MMP25: variants seen among roughly 807,000 people sequenced by gnomAD.
MMP25 encodes the protein matrix metallopeptidase 25.
In MMP25, 68 loss-of-function variants were observed where a neutral mutation model predicts 62.1. The observed-to-expected ratio is 1.10, with a 90% CI of 0.90 to 1.34. The LOEUF (loss-of-function observed/expected upper bound fraction) is 1.34. Ranked by LOEUF, MMP25 falls within the 40% of genes most tolerant of loss-of-function variation. The pLI is 0.00. For missense variants in MMP25, 942 were observed against 792.5 expected, an observed-to-expected ratio of 1.19 and a Z score of -2.26; for synonymous variants, 407 against 345.6, an observed-to-expected ratio of 1.18 and a Z score of -1.97.
At chr16:3,048,274 C>T (rs1955850529) in intron 2 of MMP25, among the ~76,000 whole-genome samples, 1 of 152,246 alleles carries the variant, frequency 6.6e-6, no homozygotes, top group African/African-American at 2.4e-5. Flanking sequence ...CACCGTTGCA[C>T]TCCAACCTGG....
At chr16:3,047,363 G>A (rs966256892) in intron 1 of MMP25, 52 bp from the exon 2 acceptor site, 12 of 1,574,204 alleles carry the variant, frequency 7.6e-6, no homozygotes, top group Non-Finnish European at 6.9e-6. Context: ...TGGGCAGAGA[G>A]AGCCCATACT....
chr16:3,049,076 G>A (rs192296820), intron 2 of MMP25, among the ~76,000 whole-genome samples: 1 of 152,028 alleles, frequency 6.6e-6, no homozygotes, highest in East Asian at 1.9e-4. Context: ...CCACAGTGCT[G>A]GGATTACAGG....
At position 3,058,959 on chromosome 16, in the gene MMP25, C is replaced by T. The variant is rs556037619; in HGVS notation, c.1550C>T (p.Ala517Val). ...DCPAPSSGPR[A>V]PRPPKATPVS... ...CCCGCCCCGAGCTCTGGTCCCCGCG[C>T]CCCCAGGCCCCCCAAAGCGACCCCC... The change falls in exon 10 of 10, where the codon GCC becomes GTC. Residue 517 changes from alanine (A) to valine (V), a missense_variant. Ala to Val is a moderately conservative substitution (Grantham distance 64, BLOSUM62 0). Transcript: ENST00000336577. 5 of 1,550,402 alleles carry T rather than the reference C, an allele frequency of 3.2e-6. No homozygotes were observed. The highest frequency in any genetic ancestry group is 3.5e-6 in the Non-Finnish European group (4 of 1,146,952).
chr16:3,049,682 C>G (rs1955871069), intron 2 of MMP25, among the ~76,000 whole-genome samples: 1 of 152,192 alleles, frequency 6.6e-6, no homozygotes, highest in Non-Finnish European at 1.5e-5. Flanking sequence ...ACTGCATACC[C>G]AGGGCTCCTT....
At chr16:3,050,201 TG>T (rs1955880255) in intron 3 of MMP25, 52 bp from the exon 4 acceptor site, 12 of 1,576,902 alleles carry the variant, frequency 7.6e-6, no homozygotes, top group Middle Eastern at 1.7e-4. Flanking sequence ...CGGCTTTGAA[TG>T]GCTGCCTGCT....
intron 4 of MMP25, 80 bp downstream of exon 4, chr16:3,050,626 G>C: frequency 7.2e-7 from 1 of 1,394,048 alleles, no homozygotes; most frequent in South Asian, 1.5e-5. Flanking sequence ...GTTTTGTTTT[G>C]TTTAAGAAAC....
At position 3,057,561 on chromosome 16, in the gene MMP25, G is replaced by C; in HGVS notation, c.954G>C (p.Glu318Asp). The C allele has an allele frequency of 6.2e-7, 1 of 1,614,134 alleles. No homozygotes were observed. Residue 318 changes from glutamate (E) to aspartate (D), a missense_variant, in exon 7 of 10, where the codon GAG becomes GAC. Coordinates refer to ENST00000336577, the MANE Select transcript of MMP25 (RefSeq NM_022468.5). Reference sequence around the variant, plus strand: ...CCTTCCCCATCCCTGATCGATGTGAGGGCAATTTTGACGCCATCGCCAACA... The same window carrying C: ...CCTTCCCCATCCCTGATCGATGTGACGGCAATTTTGACGCCATCGCCAACA... ...SPSFPIPDRC[E>D]GNFDAIANIR...
At position 3,050,388 on chromosome 16, in the gene MMP25, C is replaced by G; in HGVS notation, c.503C>G (p.Pro168Arg). ...GTGGATTCCCCCCAGGGCCAGGAGC[C>G]CGACATCCTCATCGACTTTGCCCGC... Reference protein sequence around the residue: ...HEVDSPQGQEPDILIDFARAF... With the variant: ...HEVDSPQGQERDILIDFARAF... The change falls in exon 4 of 10, where the codon CCC (proline) becomes CGC (arginine). Residue 168 changes from proline to arginine, a missense_variant. Physicochemically the swap from Pro to Arg is moderately radical, Grantham distance 103. Coordinates refer to ENST00000336577, the MANE Select transcript of MMP25 (RefSeq NM_022468.5). 6.2e-7 allele frequency: 1 copy of G among 1,614,062 alleles called. No individual in the cohort carries two copies. The highest frequency in any genetic ancestry group is 8.5e-7 in the Non-Finnish European group (1 of 1,180,030).
chr16:3,052,179 C>G (rs943348156), intron 4 of MMP25: 2 of 151,892 alleles, frequency 1.3e-5, no homozygotes, highest in African/African-American at 4.8e-5. Context: ...TGAGTGACTA[C>G]TAGCACAAGA....
Position 3,047,431 on chromosome 16 carries a change from A to G in MMP25, c.116A>G (p.Tyr39Cys), listed in dbSNP as rs941609555. 21 of 1,613,324 alleles carry G rather than the reference A, an allele frequency of 1.3e-5. No individual in the cohort carries two copies. The highest frequency in any genetic ancestry group is 1.7e-5 in the Non-Finnish European group (20 of 1,179,760). The change falls in exon 2 of 10, where the codon TAT becomes TGT. Residue 39 changes from tyrosine (Y) to cysteine (C), a missense_variant. By Grantham distance (194) the Tyr-to-Cys change is radical. Transcript: ENST00000336577. ...VSLGVDWLTR[Y>C]GYLPPPHPAQ... is the part of the protein sequence containing the mutation. Reference sequence around the variant, plus strand: ...ATGCCCTAGGACTGGCTGACTCGCTATGGTTACCTGCCGCCACCCCACCCT... The same window carrying G: ...ATGCCCTAGGACTGGCTGACTCGCTGTGGTTACCTGCCGCCACCCCACCCT...
intron 4 of MMP25, chr16:3,051,961 C>T (rs2741895): frequency 0.45 from 68,432 of 151,704 alleles, 15,809 homozygotes; most frequent in Non-Finnish European, 0.49. Flanking sequence ...CCCGTCTCTA[C>T]TAAAAATACA....
chr16:3,053,380 G>C (rs1376806099), intron 4 of MMP25: 4 of 150,350 alleles, frequency 2.7e-5, no homozygotes, highest in African/African-American at 9.8e-5. Context: ...ATTCAAGTAA[G>C]TCAGGGTTCT....
At chr16:3,054,638 A>C (rs1232357450) in intron 4 of MMP25, 1 of 149,538 alleles carries the variant, frequency 6.7e-6, no homozygotes, top group East Asian at 2.1e-4. Context: ...GGACAGATGC[A>C]TGCACAGAGG....
intron 3 of MMP25, 31 bp from the exon 4 acceptor site, chr16:3,050,223 C>T: frequency 6.3e-7 from 1 of 1,576,232 alleles, no homozygotes; most frequent in Non-Finnish European, 8.6e-7. Flanking sequence ...CCCTCCACGG[C>T]CACCCTTACA....
At chr16:3,053,454 G>C (rs1398880949) in intron 4 of MMP25, 2 of 152,284 alleles carry the variant, frequency 1.3e-5, no homozygotes, top group African/African-American at 4.8e-5. Context: ...AGAAATGCGA[G>C]GAGAACGGCG....
At position 3,058,667 on chromosome 16, in the gene MMP25, C is replaced by G. The variant is rs756872857; in HGVS notation, c.1415C>G (p.Ala472Gly). Residue 472 changes from alanine (A) to glycine (G), a missense_variant and splice_region_variant, in exon 9 of 10, where the codon GCA becomes GGA. Ala to Gly is a moderately conservative substitution (Grantham distance 60). Coordinates refer to ENST00000336577, the MANE Select transcript of MMP25 (RefSeq NM_022468.5). ...CCTGACGATGTCACCGTCAGCAACG[C>G]AGGTGGGGAGCGCGGTGACCTGCGG... ...PSPDDVTVSN[A>G]GDTYFFKGAH... The G allele has an allele frequency of 4.4e-6, 7 of 1,596,230 alleles. No homozygotes were observed. In the Admixed American group the frequency reaches 1.2e-4, roughly 27 times the overall value.
chr16:3,055,188 T>A (rs181565129), intron 4 of MMP25, among the ~76,000 whole-genome samples: 3 of 152,016 alleles, frequency 2.0e-5, no homozygotes, highest in Non-Finnish European at 4.4e-5. Flanking sequence ...CCGGGGCCCC[T>A]GTGGACTGCC....
Position 3,059,942 on chromosome 16 carries a change from G to A in MMP25, c.*844G>A, listed in dbSNP as rs1956086081. 6.6e-6 allele frequency: 1 copy of A among 152,230 alleles called. No homozygotes were observed. The highest frequency in any genetic ancestry group is 2.4e-5 in the African/African-American group (1 of 41,376). The allele number at this position is 152,230 out of a possible 1,614,324, so 9.4% of individuals were successfully genotyped here. On this transcript the variant is annotated 3_prime_UTR_variant, in exon 10 of 10. Transcript: ENST00000336577. Reference sequence around the variant, plus strand: ...GGCCCAGAACTGCCTTCCATTCAATGGGGAACCCTTCTATCCCCAAGAACC... The same window carrying A: ...GGCCCAGAACTGCCTTCCATTCAATAGGGAACCCTTCTATCCCCAAGAACC...
rs1956078576 is a variant in MMP25, at chr16:3,059,447, G to A, written c.*349G>A. On this transcript the variant is annotated 3_prime_UTR_variant, in exon 10 of 10. Coordinates refer to ENST00000336577, the MANE Select transcript of MMP25 (RefSeq NM_022468.5). Reference sequence around the variant, plus strand: ...CCCCGCCTCCCGAGCCCGGGGAGGGGCGGGGAGGACAAGGGGCGGGCCCGC... The same window carrying A: ...CCCCGCCTCCCGAGCCCGGGGAGGGACGGGGAGGACAAGGGGCGGGCCCGC... 1 of 218,198 alleles carries A rather than the reference G, an allele frequency of 4.6e-6. No individual in the cohort carries two copies. Among genetic ancestry groups the A allele is most frequent in the African/African-American group, 2.3e-5 (1 of 43,780 alleles). The allele number at this position is 218,198 out of a possible 1,614,324, so 13.5% of individuals were successfully genotyped here.
Sources: allele counts gnomAD v4.1 joint callset (sites outside exome capture counted in the v4.1 genomes callset), GRCh38; gene constraint gnomAD v4.1.1; transcripts MANE v1.5; gene names NCBI Gene and HGNC (gene_info 2026-07-23, HGNC 2026-07-21).